Variants in SLC37A3 observed in about 807,000 individuals in gnomAD.
SLC37A3 encodes sugar phosphate exchanger 3.
SLC37A3 carries 51 observed loss-of-function variants against 67.1 expected under a neutral mutation model. The ratio of observed to expected loss-of-function variants is 0.76; its 90% CI spans 0.61 to 0.96. The LOEUF (loss-of-function observed/expected upper bound fraction) is 0.96, where lower values mean the gene tolerates loss of function less well. SLC37A3 is among the 40% of genes least tolerant of loss of function. SLC37A3 has a pLI of 0.00. For synonymous variants in SLC37A3, 214 were observed against 231.4 expected (o/e 0.92, Z 0.68); for missense variants, 508 against 603.0 (o/e 0.84, Z 1.65).
chr7:140,369,807 T>C, intron 3 of SLC37A3, 125 bp from the exon 4 acceptor site: 1 of 719,526 alleles, frequency 1.4e-6, no homozygotes, highest in Non-Finnish European at 2.3e-6. Flanking sequence ...TTACTTCAAA[T>C]GTATTTAGAA....
At chr7:140,350,078 C>T (rs1052040146) in intron 9 of SLC37A3, among the ~76,000 whole-genome samples, 4 of 152,150 alleles carry the variant, frequency 2.6e-5, no homozygotes, top group Non-Finnish European at 4.4e-5. Flanking sequence ...TTAAGATGGC[C>T]TACAGATCAC....
At chr7:140,368,089 C>T (rs915868993) in intron 4 of SLC37A3, among the ~76,000 whole-genome samples, 6 of 151,910 alleles carry the variant, frequency 3.9e-5, no homozygotes, top group Non-Finnish European at 8.8e-5. Context: ...GCTAGGATTA[C>T]AGGCGTGGGC....
intron 5 of SLC37A3, among the ~76,000 whole-genome samples, chr7:140,359,199 T>C (rs1336495506): frequency 1.3e-5 from 2 of 151,842 alleles, no homozygotes; most frequent in East Asian, 1.9e-4. Flanking sequence ...AAAAATTAGC[T>C]AGGCGTGGTG....
intron 1 of SLC37A3, among the ~76,000 whole-genome samples, chr7:140,390,354 G>T (rs770282753): frequency 1.3e-4 from 20 of 152,020 alleles, no homozygotes; most frequent in Admixed American, 2.6e-4. Context: ...TAGTTACATG[G>T]TTAGCAGGCA....
chr7:140,361,929 G>GC (rs1189978187), intron 5 of SLC37A3, among the ~76,000 whole-genome samples: 3 of 145,676 alleles, frequency 2.1e-5, no homozygotes, highest in Admixed American at 6.8e-5. Context: ...GCCTGCCTTG[G>GC]CCCCCCAAAG....
At chr7:140,351,039 G>A (rs1796773193) in intron 9 of SLC37A3, among the ~76,000 whole-genome samples, 1 of 152,176 alleles carries the variant, frequency 6.6e-6, no homozygotes, top group African/African-American at 2.4e-5. Flanking sequence ...AGACTGGATG[G>A]TTCCCCGAAG....
At chr7:140,362,716 G>A (rs1425001443) in intron 5 of SLC37A3, among the ~76,000 whole-genome samples, 1 of 88,006 alleles carries the variant, frequency 1.1e-5, no homozygotes, top group Non-Finnish European at 2.5e-5. Context: ...CGCCCAGTCC[G>A]GGAGGGAGGT....
chr7:140,348,461 T>C (rs1796659518), intron 10 of SLC37A3, 165 bp downstream of exon 10: 1 of 550,684 alleles, frequency 1.8e-6, no homozygotes, highest in Non-Finnish European at 2.6e-6. Context: ...TCTTTTCTTT[T>C]CTTTTTTTTT....
intron 5 of SLC37A3, among the ~76,000 whole-genome samples, chr7:140,362,764 G>T (rs866607460): frequency 2.2e-5 from 2 of 92,614 alleles, no homozygotes; most frequent in Non-Finnish European, 4.7e-5. Context: ...CGCCCCGTCC[G>T]GGAGGGAGGT....
intron 2 of SLC37A3, among the ~76,000 whole-genome samples, chr7:140,380,928 G>A (rs1461856894): frequency 1.5e-5 from 2 of 134,458 alleles, no homozygotes; most frequent in African/African-American, 5.6e-5. Context: ...ACAGAGTCTC[G>A]CTCTGTTGCC....
chr7:140,358,519 C>T (rs914314686), intron 6 of SLC37A3, 121 bp downstream of exon 6: 2 of 1,364,324 alleles, frequency 1.5e-6, no homozygotes, highest in Non-Finnish European at 1.0e-6. Context: ...ACAACTCTGA[C>T]TTGCTAACGA....
chr7:140,335,406 C>G lies in SLC37A3; in HGVS notation c.*6G>C. 6.2e-7 allele frequency: 1 copy of G among 1,614,144 alleles called. No homozygotes were observed. The highest frequency in any genetic ancestry group is 8.5e-7 in the Non-Finnish European group (1 of 1,180,036). The stretch of plus-strand genomic sequence containing the variant: ...GACATTGTTCTTTCTGTCTCGCGGG[C>G]ACCGGTCACTCCCTCAATATGTGAG... On this transcript the variant is annotated 3_prime_UTR_variant, in exon 15 of 15. Coordinates refer to ENST00000326232, the MANE Select transcript of SLC37A3 (RefSeq NM_207113.3).
intron 9 of SLC37A3, among the ~76,000 whole-genome samples, chr7:140,349,292 A>G (rs933989783): frequency 1.3e-5 from 2 of 152,246 alleles, no homozygotes; most frequent in South Asian, 4.1e-4. Flanking sequence ...CCACGGTCTA[A>G]GAAAAGCAGC....
intron 12 of SLC37A3, 33 bp from the exon 13 acceptor site, chr7:140,343,596 A>T (rs1796444534): frequency 1.2e-6 from 2 of 1,609,436 alleles, no homozygotes; most frequent in Non-Finnish European, 1.7e-6. Context: ...ATTAAAACAC[A>T]ATTCACAACC....
chr7:140,357,498 G>A (rs368863266), intron 6 of SLC37A3, among the ~76,000 whole-genome samples: 2 of 151,142 alleles, frequency 1.3e-5, no homozygotes, highest in Non-Finnish European at 2.9e-5. Context: ...TCGGGAGGCC[G>A]AGGCAGAATA....
intron 5 of SLC37A3, among the ~76,000 whole-genome samples, chr7:140,363,924 G>A (rs541054527): frequency 1.3e-5 from 2 of 152,224 alleles, no homozygotes; most frequent in Admixed American, 1.3e-4. Flanking sequence ...GCTGGTGCCT[G>A]AGGGACAACA....
intron 13 of SLC37A3, among the ~76,000 whole-genome samples, chr7:140,340,131 G>A (rs1034570893): frequency 1.3e-5 from 2 of 152,162 alleles, no homozygotes; most frequent in Non-Finnish European, 2.9e-5. Context: ...TAAGGATGCT[G>A]AGACTCTTCA....
intron 5 of SLC37A3, among the ~76,000 whole-genome samples, chr7:140,362,012 T>C (rs1431192603): frequency 5.0e-5 from 6 of 119,766 alleles, no homozygotes; most frequent in South Asian, 3.4e-4. Context: ...TGGCCCCCCA[T>C]CGTCTGGGAT....
At chr7:140,361,478 G>A (rs1187175828) in intron 5 of SLC37A3, among the ~76,000 whole-genome samples, 5 of 122,972 alleles carry the variant, frequency 4.1e-5, no homozygotes, top group East Asian at 2.6e-4. Flanking sequence ...GCAAAACTCC[G>A]GACACACAGC....
Sources: gnomAD v4.1 joint callset for allele counts (sites outside exome capture counted in the v4.1 genomes callset) on GRCh38, gnomAD v4.1.1 for gene constraint, MANE v1.5 for transcripts, NCBI Gene and HGNC (gene_info 2026-07-23, HGNC 2026-07-21) for gene names.